Variants in EPB41L4B observed in about 807,000 individuals in gnomAD.
EPB41L4B encodes the protein erythrocyte membrane protein band 4.1 like 4B, also known as band 4.1-like protein 4B.
Under a neutral mutation model 112.5 loss-of-function variants are expected in EPB41L4B, and 30 were observed. The observed-to-expected ratio is 0.27, with a 90% confidence interval of 0.20 to 0.36. The LOEUF (loss-of-function observed/expected upper bound fraction) is 0.36. Among genes scored for constraint, EPB41L4B ranks in the 10% least tolerant of loss-of-function variants. The pLI, the probability that EPB41L4B is intolerant of heterozygous loss-of-function variation, is 1.00. For synonymous variants in EPB41L4B, 408 were observed against 439.7 expected, an observed-to-expected ratio of 0.93 and a Z score of 0.90; for missense variants, 1,024 against 1,133.3, an observed-to-expected ratio of 0.90 and a Z score of 1.38.
chr9:109,232,826 A>C (rs1461585647), intron 15 of EPB41L4B, among the ~76,000 whole-genome samples: 1 of 152,176 alleles, frequency 6.6e-6, no homozygotes, highest in African/African-American at 2.4e-5. Context: ...AGTGCTTAAA[A>C]ATTTCCGCAA....
chr9:109,280,439 C>T (rs1835990307), intron 1 of EPB41L4B, among the ~76,000 whole-genome samples: 1 of 152,184 alleles, frequency 6.6e-6, no homozygotes, highest in African/African-American at 2.4e-5. Context: ...ACTCAAATTC[C>T]AGGTTCATGC....
At position 109,192,172 on chromosome 9, in the gene EPB41L4B, G is replaced by A. The variant is rs548063819; in HGVS notation, c.2301+106C>T. ...TGATCCCTGAGCCTCCAGGACAAGA[G>A]GAAGAGGCTCCTCAACAGCAATGCC... is the stretch of plus-strand genomic sequence containing the variant. On this transcript the variant is annotated intron_variant, in intron 22 of 25. Coordinates refer to ENST00000374566, the MANE Select transcript of EPB41L4B (RefSeq NM_019114.5). 196 of 874,260 alleles carry A rather than the reference G, an allele frequency of 2.2e-4. No homozygotes were observed. The African/African-American group carries it at 3.0e-3, about 13-fold the overall frequency. 54.2% of individuals were successfully genotyped at this position (874,260 alleles called of 1,614,324 possible).
rs1834352762 is a variant in EPB41L4B at position 109,241,516 on chromosome 9, A to T, written c.1409+2102T>A. 6 of 1,463,520 alleles carry T rather than the reference A, an allele frequency of 4.1e-6. No individual in the cohort carries two copies. The South Asian group carries it at 8.9e-5, about 22-fold the overall frequency. The allele number at this position is 1,463,520 out of a possible 1,614,324, so 90.7% of individuals were successfully genotyped here. On this transcript the variant is annotated intron_variant, in intron 15 of 25. Coordinates refer to ENST00000374566, the MANE Select transcript of EPB41L4B (RefSeq NM_019114.5). Reference sequence around the variant, plus strand: ...ACAAGCTATAGTGGTTTTATCTTCAAATATTTACATGGACACCAAAAACAC... The same window carrying T: ...ACAAGCTATAGTGGTTTTATCTTCATATATTTACATGGACACCAAAAACAC...
rs547461677 is a variant in EPB41L4B at position 109,239,557 on chromosome 9, G to A, written c.1409+4061C>T. ...AAAGACCTTTAGAAAACACCAACAG[G>A]TAATAGGATGGCAGAAAAGGAGGCT... is the stretch of plus-strand genomic sequence containing the variant. On this transcript the variant is annotated intron_variant, in intron 15 of 25. Transcript: ENST00000374566. Among the ~76,000 whole-genome samples, 15 of 152,266 alleles carry A rather than the reference G, an allele frequency of 9.9e-5. No homozygotes were observed. In the East Asian group the frequency reaches 2.9e-3, roughly 29 times the overall value.
At chr9:109,299,782 C>G (rs1353377921) in intron 1 of EPB41L4B, among the ~76,000 whole-genome samples, 1 of 79,618 alleles carries the variant, frequency 1.3e-5, no homozygotes, top group Non-Finnish European at 2.2e-5. Context: ...ATTTCTACCC[C>G]TTCCTTTCCT....
chr9:109,247,714 A>T (rs1247865637), intron 14 of EPB41L4B, 42 bp downstream of exon 14: 9 of 1,320,352 alleles, frequency 6.8e-6, no homozygotes, highest in African/African-American at 1.5e-5. Flanking sequence ...TATTTTTAAA[A>T]TTTTCCTTCT....
chr9:109,293,335 T>C (rs1836603884), intron 1 of EPB41L4B, among the ~76,000 whole-genome samples: 1 of 152,046 alleles, frequency 6.6e-6, no homozygotes, highest in African/African-American at 2.4e-5. Flanking sequence ...TTAACTTAGG[T>C]TTCATTTGCT....
intron 24 of EPB41L4B, among the ~76,000 whole-genome samples, chr9:109,179,455 C>T (rs963628718): frequency 1.3e-5 from 2 of 152,174 alleles, no homozygotes; most frequent in African/African-American, 4.8e-5. Context: ...GAAGCTGAAG[C>T]CCATGAGCTT....
At chr9:109,245,440 T>C (rs971526337) in intron 14 of EPB41L4B, among the ~76,000 whole-genome samples, 2 of 152,238 alleles carry the variant, frequency 1.3e-5, no homozygotes, top group African/African-American at 2.4e-5. Context: ...TCAAGGAGTA[T>C]TTTAGTGTTA....
chr9:109,182,282 A>C (rs1832091319), intron 24 of EPB41L4B, among the ~76,000 whole-genome samples: 2 of 152,254 alleles, frequency 1.3e-5, no homozygotes, highest in Admixed American at 1.3e-4. Flanking sequence ...CAAATACATT[A>C]TGCTAAGTGA....
In EPB41L4B at chr9:109,228,849, TG is replaced by T. The variant is rs558493618; in HGVS notation, c.1410-11705del. 2.6e-5 allele frequency among the ~76,000 whole-genome samples: 4 copies of T among 152,358 alleles called. No individual in the cohort carries two copies. The East Asian group carries it at 5.8e-4, about 22-fold the overall frequency. On this transcript the variant is annotated intron_variant, in intron 15 of 25. Coordinates refer to ENST00000374566, the MANE Select transcript of EPB41L4B (RefSeq NM_019114.5). ...CTCTTTAAAATACTATTACAAATTG[TG>T]GGTTCATCTGAGAGGCTCATAAAGC...
chr9:109,185,353 G>C, intron 23 of EPB41L4B, 136 bp downstream of exon 23: 1 of 702,038 alleles, frequency 1.4e-6, no homozygotes, highest in East Asian at 2.7e-5. Context: ...CATCCATCTG[G>C]AGTGAGGGCA....
chr9:109,178,614 T>C (rs979568897), intron 24 of EPB41L4B, among the ~76,000 whole-genome samples: 1 of 150,914 alleles, frequency 6.6e-6, no homozygotes, highest in Non-Finnish European at 1.5e-5. Context: ...ATAACTGGGG[T>C]TTTTTTTAGT....
chr9:109,272,014 G>A (rs550370756), intron 2 of EPB41L4B, among the ~76,000 whole-genome samples: 2 of 152,310 alleles, frequency 1.3e-5, no homozygotes, highest in South Asian at 2.1e-4. Flanking sequence ...CTACATGGGA[G>A]CATTGGAACT....
intron 23 of EPB41L4B, among the ~76,000 whole-genome samples, chr9:109,183,109 T>A (rs952098150): frequency 1.3e-5 from 2 of 152,130 alleles, no homozygotes; most frequent in African/African-American, 4.8e-5. Context: ...TTTCCAGGCC[T>A]GACTCATAAA....
intron 19 of EPB41L4B, among the ~76,000 whole-genome samples, chr9:109,202,347 G>A (rs554160067): frequency 1.3e-5 from 2 of 152,264 alleles, no homozygotes; most frequent in South Asian, 4.1e-4. Context: ...TTTTGGCATC[G>A]AGTATAATAG....
intron 7 of EPB41L4B, 86 bp downstream of exon 7, chr9:109,258,091 T>C (rs1835051737): frequency 6.9e-7 from 1 of 1,456,422 alleles, no homozygotes; most frequent in Non-Finnish European, 9.3e-7. Context: ...AACAGAACAA[T>C]TCTACTGGTA....
At chr9:109,260,780 C>T (rs934111991) in intron 6 of EPB41L4B, among the ~76,000 whole-genome samples, 2 of 152,154 alleles carry the variant, frequency 1.3e-5, no homozygotes, top group African/African-American at 2.4e-5. Flanking sequence ...TCTCCAAGAA[C>T]GGTCACAGAG....
At chr9:109,274,505 G>A (rs1835740850) in intron 2 of EPB41L4B, among the ~76,000 whole-genome samples, 1 of 152,198 alleles carries the variant, frequency 6.6e-6, no homozygotes, top group South Asian at 2.1e-4. Context: ...CCGTAGTTCA[G>A]GGGATTACTT....
Sources: allele counts gnomAD v4.1 joint callset (sites outside exome capture counted in the v4.1 genomes callset), GRCh38; gene constraint gnomAD v4.1.1; transcripts MANE v1.5; gene names NCBI Gene and HGNC (gene_info 2026-07-23, HGNC 2026-07-21).